NREP: variants seen among roughly 807,000 people sequenced by gnomAD.
NREP encodes neuronal regeneration-related protein.
Under a neutral mutation model 8.6 loss-of-function variants are expected in NREP, and 5 were observed. That is an observed-to-expected ratio of 0.58 (90% CI 0.30 to 1.22). NREP has a LOEUF of 1.22. Ranked by LOEUF, NREP falls within the 50% of genes most tolerant of loss-of-function variation. NREP has a pLI of 0.07. For synonymous variants in NREP, 27 were observed against 28.0 expected, an observed-to-expected ratio of 0.96 and a Z score of 0.11; for missense variants, 86 against 82.5, an observed-to-expected ratio of 1.04 and a Z score of -0.17.
At chr5:111,950,006 A>G (rs1756108100) in intron 2 of NREP, among the ~76,000 whole-genome samples, 2 of 152,106 alleles carry the variant, frequency 1.3e-5, no homozygotes, top group South Asian at 2.1e-4. Context: ...GAATTGCCAT[A>G]CTGTCTTCCA....
intron 2 of NREP, among the ~76,000 whole-genome samples, chr5:111,847,894 T>G (rs530375103): frequency 4.4e-4 from 67 of 152,350 alleles, no homozygotes; most frequent in African/African-American, 1.6e-3. Context: ...GGTACATGTC[T>G]TCTTTCTAGT....
At chr5:111,754,600 G>A (rs975634305) in intron 2 of NREP, among the ~76,000 whole-genome samples, 45 of 152,146 alleles carry the variant, frequency 3.0e-4, no homozygotes, top group African/African-American at 9.9e-4. Flanking sequence ...GGAACCATTT[G>A]CACAAAATCC....
chr5:111,804,638 G>C (rs1372690157), intron 2 of NREP, among the ~76,000 whole-genome samples: 1 of 152,050 alleles, frequency 6.6e-6, no homozygotes, highest in Non-Finnish European at 1.5e-5. Flanking sequence ...TACAGTTCAG[G>C]GAAAGCGCTG....
chr5:111,770,915 G>A (rs942683798), intron 2 of NREP, among the ~76,000 whole-genome samples: 1 of 152,206 alleles, frequency 6.6e-6, no homozygotes, highest in Admixed American at 6.5e-5. Flanking sequence ...GAGAAGAAGA[G>A]CTCCAGCTTA....
intron 2 of NREP, among the ~76,000 whole-genome samples, chr5:111,750,245 C>T (rs780731325): frequency 6.6e-6 from 1 of 152,188 alleles, no homozygotes; most frequent in African/African-American, 2.4e-5. Context: ...GAATACTCCT[C>T]TCTCTCATCT....
intron 2 of NREP, among the ~76,000 whole-genome samples, chr5:111,930,944 A>C (rs927277899): frequency 1.3e-5 from 2 of 152,146 alleles, no homozygotes; most frequent in African/African-American, 4.8e-5. Flanking sequence ...GTGATGGTAC[A>C]TGATAGCTCT....
intron 2 of NREP, among the ~76,000 whole-genome samples, chr5:111,874,610 T>C (rs891899113): frequency 6.6e-6 from 1 of 152,158 alleles, no homozygotes; most frequent in Non-Finnish European, 1.5e-5. Context: ...GTAAAGACAG[T>C]AAAGACCTTT....
At chr5:111,885,550 C>G (rs1754220192) in intron 2 of NREP, among the ~76,000 whole-genome samples, 1 of 152,182 alleles carries the variant, frequency 6.6e-6, no homozygotes, top group Non-Finnish European at 1.5e-5. Context: ...CTGGAGGCAT[C>G]ACGCTACCTG....
At position 111,747,298 on chromosome 5, in the gene NREP, T is replaced by C. The variant is rs114214909; in HGVS notation, c.3+8472A>G. On this transcript the variant is annotated intron_variant, in intron 2 of 3. Coordinates refer to ENST00000257435, the MANE Select transcript of NREP (RefSeq NM_004772.4). ...CTTTCCTGTCCAAGAATAAGTTATA[T>C]ATCAGACACCAACTTTATCCAATGA... Among the ~76,000 whole-genome samples the C allele has an allele frequency of 4.7e-3, 714 of 152,300 alleles. 5 individuals carry two copies. Among genetic ancestry groups the C allele is most frequent in the African/African-American group, 0.016 (660 of 41,578 alleles).
chr5:111,969,095 C>T (rs1431184955), intron 2 of NREP, among the ~76,000 whole-genome samples: 1 of 152,202 alleles, frequency 6.6e-6, no homozygotes, highest in Admixed American at 6.5e-5. Flanking sequence ...TTAGGAGGAT[C>T]TGTAACTAGA....
chr5:111,879,365 T>C (rs1257910608), intron 2 of NREP, among the ~76,000 whole-genome samples: 1 of 152,198 alleles, frequency 6.6e-6, no homozygotes, highest in East Asian at 1.9e-4. Flanking sequence ...GGATAAAAGA[T>C]CCCTTCCCTC....
At chr5:111,779,148 A>C (rs1723047091) in intron 2 of NREP, among the ~76,000 whole-genome samples, 1 of 152,188 alleles carries the variant, frequency 6.6e-6, no homozygotes, top group Non-Finnish European at 1.5e-5. Context: ...CATCCCATGT[A>C]GAATAATTTC....
intron 2 of NREP, among the ~76,000 whole-genome samples, chr5:111,892,483 A>G (rs968370468): frequency 6.6e-6 from 1 of 152,232 alleles, no homozygotes; most frequent in Non-Finnish European, 1.5e-5. Flanking sequence ...TGCACTTTCC[A>G]TTATATGATC....
chr5:111,787,410 G>C (rs944460825), intron 2 of NREP, among the ~76,000 whole-genome samples: 1 of 152,098 alleles, frequency 6.6e-6, no homozygotes, highest in Non-Finnish European at 1.5e-5. Context: ...TCCAGGCTTT[G>C]TGGGTTGCGA....
intron 1 of NREP, chr5:111,756,312 A>AACCCC: frequency 1.0e-5 from 1 of 99,466 alleles, no homozygotes; most frequent in Non-Finnish European, 1.6e-5. Flanking sequence ...AAAAAAAAAA[A>AACCCC]CCCTACACGG....
At chr5:111,940,923 G>A (rs1221386113) in intron 2 of NREP, among the ~76,000 whole-genome samples, 1 of 152,088 alleles carries the variant, frequency 6.6e-6, no homozygotes, top group East Asian at 1.9e-4. Flanking sequence ...GGGCAAGGTC[G>A]AGATTTCTGG....
At chr5:111,768,982 G>A (rs542682732) in intron 2 of NREP, among the ~76,000 whole-genome samples, 1 of 152,334 alleles carries the variant, frequency 6.6e-6, no homozygotes, top group South Asian at 2.1e-4. Context: ...CCCATCAACA[G>A]TGTAAAAGCA....
intron 2 of NREP, among the ~76,000 whole-genome samples, chr5:111,971,400 C>CA: frequency 6.6e-6 from 1 of 151,886 alleles, no homozygotes; most frequent in South Asian, 2.1e-4. Context: ...CAATCTGTAG[C>CA]AAAAAACAAA....
At chr5:111,767,142 C>G (rs540109693) in intron 2 of NREP, among the ~76,000 whole-genome samples, 2 of 152,170 alleles carry the variant, frequency 1.3e-5, no homozygotes, top group Admixed American at 1.3e-4. Context: ...TTGGGTTAGG[C>G]TGATCTGAGG....
Sources: gnomAD v4.1 joint callset for allele counts (sites outside exome capture counted in the v4.1 genomes callset) on GRCh38, gnomAD v4.1.1 for gene constraint, MANE v1.5 for transcripts, NCBI Gene and HGNC (gene_info 2026-07-23, HGNC 2026-07-21) for gene names.